The following STK32A variants were observed in gnomAD, a reference collection of about 807,000 sequenced individuals.
The protein encoded by STK32A is serine/threonine-protein kinase 32A.
In STK32A, 41 loss-of-function variants were observed where a neutral mutation model predicts 53.2. That is an observed-to-expected ratio of 0.77 (90% CI 0.60 to 1.00). The LOEUF is 1.00. Among genes scored for constraint, STK32A ranks in the 50% least tolerant of loss-of-function variants. STK32A has a pLI of 0.00. For missense variants in STK32A, 458 were observed against 485.8 expected, an observed-to-expected ratio of 0.94 and a Z score of 0.54; for synonymous variants, 166 against 162.8, an observed-to-expected ratio of 1.02 and a Z score of -0.15.
chr5:147,374,914 C>T (rs1477191942), intron 10 of STK32A, among the ~76,000 whole-genome samples, 176 bp from the exon 11 acceptor site: 2 of 151,942 alleles, frequency 1.3e-5, no homozygotes, highest in Admixed American at 1.3e-4. Context: ...GAAAAATAAA[C>T]GAAGAATATG....
At chr5:147,262,958 T>C (rs879819902) in intron 2 of STK32A, among the ~76,000 whole-genome samples, 3 of 151,838 alleles carry the variant, frequency 2.0e-5, no homozygotes, top group Non-Finnish European at 4.4e-5. Context: ...GGATATCTAT[T>C]TAAAAACTAG....
At chr5:147,260,513 T>C (rs1935196623) in intron 2 of STK32A, among the ~76,000 whole-genome samples, 1 of 151,960 alleles carries the variant, frequency 6.6e-6, no homozygotes, top group African/African-American at 2.4e-5. Context: ...AGCGGAAGTT[T>C]CAACCCCTCA....
chr5:147,364,795 T>C (rs1276125665), intron 8 of STK32A, among the ~76,000 whole-genome samples: 1 of 152,094 alleles, frequency 6.6e-6, no homozygotes, highest in East Asian at 1.9e-4. Context: ...TAACCCTAAT[T>C]ACCTCCCAAG....
chr5:147,397,649 G>C, the STK32A span: 3 of 1,609,506 alleles, frequency 1.9e-6, no homozygotes, highest in East Asian at 6.7e-5. Context: ...CCACCTCAGA[G>C]CTCCAATGCT....
chr5:147,374,897 G>A (rs950612373), intron 10 of STK32A, among the ~76,000 whole-genome samples, 193 bp from the exon 11 acceptor site: 2 of 152,094 alleles, frequency 1.3e-5, no homozygotes, highest in African/African-American at 4.8e-5. Context: ...GCCTAATTGA[G>A]AGTTTAGAAA....
At chr5:147,300,289 A>G (rs1002727761) in intron 4 of STK32A, among the ~76,000 whole-genome samples, 11 of 152,210 alleles carry the variant, frequency 7.2e-5, no homozygotes, top group African/African-American at 2.2e-4. Flanking sequence ...ACAGCTAGGA[A>G]GTGGCAGAGC....
At chr5:147,265,701 TACTC>T (rs1424251020) in intron 2 of STK32A, among the ~76,000 whole-genome samples, 1 of 152,054 alleles carries the variant, frequency 6.6e-6, no homozygotes, top group Non-Finnish European at 1.5e-5. Flanking sequence ...GGTACACAGA[TACTC>T]AATGAATGTT....
chr5:147,237,435 C>T (rs1485449050), intron 1 of STK32A, among the ~76,000 whole-genome samples: 5 of 152,176 alleles, frequency 3.3e-5, no homozygotes, highest in Admixed American at 2.0e-4. Flanking sequence ...AAAGACCACC[C>T]CATTTGCTTC....
chr5:147,288,282 C>G (rs1223800494), intron 4 of STK32A, among the ~76,000 whole-genome samples: 1 of 152,142 alleles, frequency 6.6e-6, no homozygotes, highest in Admixed American at 6.5e-5. Context: ...TCTTCCAAAC[C>G]ATGAGAAAAA....
chr5:147,270,151 C>A (rs1054942493), intron 2 of STK32A, among the ~76,000 whole-genome samples: 4 of 152,038 alleles, frequency 2.6e-5, no homozygotes. Context: ...AAATCACAAA[C>A]CCAGAAGGAC....
At chr5:147,398,706 G>A in the STK32A span, among the ~76,000 whole-genome samples, 1 of 152,128 alleles carries the variant, frequency 6.6e-6, no homozygotes, top group South Asian at 2.1e-4. Flanking sequence ...CGGAAGTTAG[G>A]TATAGCCACA....
At position 147,305,600 on chromosome 5, in the gene STK32A, TAATGAGAA is replaced by T. The variant is rs549586516; in HGVS notation, c.261-18288_261-18281del. Among the ~76,000 whole-genome samples the T allele has an allele frequency of 1.1e-3, 171 of 152,200 alleles. 1 individual carries two copies. The highest frequency in any genetic ancestry group is 3.7e-3 in the African/African-American group (153 of 41,536). ...ACCAAAGGGAGTAAAGGGAGAGGCT[TAATGAGAA>T]AATGAGAAATTAAATCATTTAATGA... On this transcript the variant is annotated intron_variant, in intron 4 of 12. Transcript: ENST00000397936.
chr5:147,326,041 AATTC>A (rs1407566602), intron 5 of STK32A, among the ~76,000 whole-genome samples: 3 of 152,168 alleles, frequency 2.0e-5, no homozygotes. Flanking sequence ...TCAAAAGACC[AATTC>A]TCTGAGCATT....
At chr5:147,249,888 AAC>A (rs908654774) in intron 2 of STK32A, among the ~76,000 whole-genome samples, 1 of 142,326 alleles carries the variant, frequency 7.0e-6, no homozygotes, top group Non-Finnish European at 1.5e-5. Context: ...CAGCCTGGGC[AAC>A]AGAGTAAGCC....
chr5:147,255,602 G>T (rs1363701658), intron 2 of STK32A, among the ~76,000 whole-genome samples: 1 of 152,164 alleles, frequency 6.6e-6, no homozygotes, highest in Non-Finnish European at 1.5e-5. Context: ...ACTTCCATTA[G>T]GGGCAGTGTT....
At chr5:147,286,636 A>G (rs1037225599) in intron 4 of STK32A, among the ~76,000 whole-genome samples, 1 of 152,116 alleles carries the variant, frequency 6.6e-6, no homozygotes, top group Non-Finnish European at 1.5e-5. Context: ...TGTTACATAA[A>G]TGCATCTTGA....
At chr5:147,302,655 G>A (rs1753195946) in intron 4 of STK32A, among the ~76,000 whole-genome samples, 1 of 150,868 alleles carries the variant, frequency 6.6e-6, no homozygotes, top group East Asian at 1.9e-4. Flanking sequence ...TGATTGGAAA[G>A]GGGAGGTCTG....
chr5:147,329,843 G>T (rs1754778238), intron 5 of STK32A, among the ~76,000 whole-genome samples: 1 of 152,206 alleles, frequency 6.6e-6, no homozygotes, highest in African/African-American at 2.4e-5. Flanking sequence ...TAGAGTGCTT[G>T]CTGGATAATT....
intron 5 of STK32A, among the ~76,000 whole-genome samples, chr5:147,341,986 A>T (rs781376981): frequency 6.6e-6 from 1 of 152,172 alleles, no homozygotes; most frequent in African/African-American, 2.4e-5. Context: ...AGCCTTGGTG[A>T]ATATTATAGT....
Sources: allele counts gnomAD v4.1 joint callset (sites outside exome capture counted in the v4.1 genomes callset), GRCh38; gene constraint gnomAD v4.1.1; transcripts MANE v1.5; gene names NCBI Gene and HGNC (gene_info 2026-07-23, HGNC 2026-07-21).